The following BCO1 variants were observed in gnomAD, a reference collection of about 807,000 sequenced individuals.
BCO1 encodes the protein beta-carotene oxygenase 1, also known as beta,beta-carotene 15,15'-dioxygenase.
A neutral mutation model predicts 56.3 loss-of-function variants in BCO1; 54 were observed. The observed-to-expected ratio is 0.96, with a 90% CI of 0.77 to 1.20. The LOEUF is 1.20. Ranked by LOEUF, BCO1 falls within the 50% of genes most tolerant of loss-of-function variation. The pLI is 0.00. For missense variants in BCO1, 801 were observed against 690.9 expected (o/e 1.16, Z -1.79); for synonymous variants, 318 against 266.1 (o/e 1.20, Z -1.90).
rs1299560878 is a variant in BCO1 at position 81,262,181 on chromosome 16, C to T, written c.369C>T (p.Asn123=). Residue 123 remains asparagine, a synonymous_variant, in exon 4 of 11, where the codon AAC becomes AAT. Coordinates refer to ENST00000258168, the MANE Select transcript of BCO1 (RefSeq NM_017429.3). The part of the protein sequence containing the change: ...LSHTIPDFTD[N]CLINIMKCGE... ...ACACCATCCCCGATTTCACCGACAACTGCCTGATCAACATCATGAAGTGCG... is the reference window on the plus strand; with the variant it reads ...ACACCATCCCCGATTTCACCGACAATTGCCTGATCAACATCATGAAGTGCG... 6.2e-7 allele frequency: 1 copy of T among 1,614,028 alleles called. No individual in the cohort carries two copies. Among genetic ancestry groups the T allele is most frequent in the African/African-American group, 1.3e-5 (1 of 75,042 alleles).
chr16:81,269,292 T>A (rs917385024), intron 6 of BCO1, among the ~76,000 whole-genome samples: 1 of 149,822 alleles, frequency 6.7e-6, no homozygotes, highest in African/African-American at 2.5e-5. Flanking sequence ...ACGTGCACTT[T>A]TAGTTTTTCT....
chr16:81,272,222 T>A (rs1157141180), intron 7 of BCO1, among the ~76,000 whole-genome samples: 3 of 150,382 alleles, frequency 2.0e-5, no homozygotes, highest in African/African-American at 7.4e-5. Flanking sequence ...CAAGCCATTC[T>A]CCTTCCTCAG....
chr16:81,275,885 G>A (rs937885954), intron 7 of BCO1, among the ~76,000 whole-genome samples: 2 of 152,184 alleles, frequency 1.3e-5, no homozygotes, highest in African/African-American at 4.8e-5. Flanking sequence ...AGGGCGGTGT[G>A]GGGGTGCCTG....
intron 1 of BCO1, among the ~76,000 whole-genome samples, 169 bp from the exon 2 acceptor site, chr16:81,245,306 C>A (rs893240823): frequency 1.3e-5 from 2 of 152,176 alleles, no homozygotes. Flanking sequence ...TCAGTGCTAG[C>A]CAACTGCCCA....
intron 2 of BCO1, among the ~76,000 whole-genome samples, chr16:81,254,560 C>T (rs1331571233): frequency 6.6e-6 from 1 of 151,658 alleles, no homozygotes; most frequent in African/African-American, 2.4e-5. Flanking sequence ...ACCACGCCTC[C>T]CCTCAATTTT....
intron 7 of BCO1, 56 bp from the exon 8 acceptor site, chr16:81,280,801 T>C (rs1907834859): frequency 2.3e-6 from 3 of 1,280,582 alleles, no homozygotes; most frequent in Non-Finnish European, 3.4e-6. Context: ...CTAAAGCAAA[T>C]GTTTGCTCTG....
Position 81,285,616 on chromosome 16 carries a change from G to C in BCO1, c.1284G>C (p.Trp428Cys). ...YRYVFATGVQ[W>C]SPIPTKIIKY... The stretch of plus-strand genomic sequence containing the variant: ...ATGTCTTTGCTACAGGAGTTCAGTG[G>C]AGTCCAATCCCAACCAAGGTACTGG... The change falls in exon 9 of 11, where the codon TGG (tryptophan) becomes TGC (cysteine). Residue 428 changes from tryptophan to cysteine, a missense_variant. By Grantham distance (215) the Trp-to-Cys change is radical. Transcript: ENST00000258168. 6.2e-7 allele frequency: 1 copy of C among 1,610,248 alleles called. No individual in the cohort carries two copies. Among genetic ancestry groups the C allele is most frequent in the Non-Finnish European group, 8.5e-7 (1 of 1,176,440 alleles).
At chr16:81,283,615 C>G (rs932206185) in intron 8 of BCO1, among the ~76,000 whole-genome samples, 1 of 151,914 alleles carries the variant, frequency 6.6e-6, no homozygotes, top group African/African-American at 2.4e-5. Flanking sequence ...GTTCCCTCTG[C>G]CTCACCTTCA....
chr16:81,242,260 C>T (rs965890510), intron 1 of BCO1, among the ~76,000 whole-genome samples: 8 of 140,666 alleles, frequency 5.7e-5, no homozygotes, highest in African/African-American at 1.6e-4. Context: ...AGTGCAATGG[C>T]GCAATCTTCG....
intron 2 of BCO1, among the ~76,000 whole-genome samples, chr16:81,253,444 C>G (rs555619833): frequency 6.6e-6 from 1 of 152,296 alleles, no homozygotes; most frequent in African/African-American, 2.4e-5. Flanking sequence ...ATGGTTGGTA[C>G]ATGATGAAGC....
intron 9 of BCO1, 80 bp downstream of exon 9, chr16:81,285,714 C>T (rs950665206): frequency 5.7e-5 from 63 of 1,107,922 alleles, no homozygotes; most frequent in Non-Finnish European, 8.0e-5. Flanking sequence ...GGTTCTGAGA[C>T]GTTGATTAGA....
chr16:81,271,731 T>TTTG (rs1174964023), intron 7 of BCO1, among the ~76,000 whole-genome samples: 3 of 152,122 alleles, frequency 2.0e-5, no homozygotes, highest in Admixed American at 6.6e-5. Context: ...TTCATTTCTT[T>TTTG]TTGTTGTTGT....
intron 2 of BCO1, among the ~76,000 whole-genome samples, chr16:81,247,007 G>C (rs554564435): frequency 7.2e-5 from 11 of 152,230 alleles, no homozygotes; most frequent in Non-Finnish European, 1.6e-4. Flanking sequence ...CACAAATAAG[G>C]CGAATTCTGA....
At position 81,259,749 on chromosome 16, in the gene BCO1, G is replaced by A. The variant is rs1243348736; in HGVS notation, c.267G>A (p.Val89=). ...CCAATATTGAGGCAAACAGGATTGT[G>A]GTGTCTGAGTTTGGAACAATGGCCT... ...YNTNIEANRI[V]VSEFGTMAYP... is the part of the protein sequence containing the mutation. Residue 89 remains valine, a synonymous_variant, in exon 3 of 11, where the codon GTG becomes GTA. Transcript: ENST00000258168. 1 of 1,614,188 alleles carries A rather than the reference G, an allele frequency of 6.2e-7. No homozygotes were observed.
chr16:81,277,237 G>T (rs1197680337), intron 7 of BCO1, among the ~76,000 whole-genome samples: 1 of 152,140 alleles, frequency 6.6e-6, no homozygotes, highest in Admixed American at 6.6e-5. Flanking sequence ...TAGACAGAAG[G>T]TTGGTGGGCC....
chr16:81,268,584 G>C (rs1189144006), intron 6 of BCO1, among the ~76,000 whole-genome samples: 1 of 152,204 alleles, frequency 6.6e-6, no homozygotes, highest in Non-Finnish European at 1.5e-5. Flanking sequence ...CAGTTCAATA[G>C]AAACCTCTCC....
intron 8 of BCO1, among the ~76,000 whole-genome samples, chr16:81,283,944 G>C (rs1908020596): frequency 6.6e-6 from 1 of 151,928 alleles, no homozygotes; most frequent in Non-Finnish European, 1.5e-5. Flanking sequence ...CCAGCACTTT[G>C]GGAAGCTGAG....
chr16:81,266,691 G>T (rs1046422611), intron 5 of BCO1, among the ~76,000 whole-genome samples: 4 of 152,138 alleles, frequency 2.6e-5, no homozygotes, highest in Admixed American at 6.5e-5. Context: ...GGACTGTGAG[G>T]CTCAGGGGAT....
Position 81,242,259 on chromosome 16 carries a change from G to A in BCO1, c.65-3216G>A, listed in dbSNP as rs1034392446. On this transcript the variant is annotated intron_variant, in intron 1 of 10. Coordinates refer to ENST00000258168, the MANE Select transcript of BCO1 (RefSeq NM_017429.3). Reference sequence around the variant, plus strand: ...CTGTCGCCCAGGCAAGAGTGCAATGGCGCAATCTTCGGCTCACTGCAATCT... The same window carrying A: ...CTGTCGCCCAGGCAAGAGTGCAATGACGCAATCTTCGGCTCACTGCAATCT... Among the ~76,000 whole-genome samples, 19 of 147,550 alleles carry A rather than the reference G, an allele frequency of 1.3e-4. 1 individual carries two copies. The highest frequency in any genetic ancestry group is 4.0e-4 in the African/African-American group (16 of 39,632).
Sources: allele counts gnomAD v4.1 joint callset (sites outside exome capture counted in the v4.1 genomes callset), GRCh38; gene constraint gnomAD v4.1.1; transcripts MANE v1.5; gene names NCBI Gene and HGNC (gene_info 2026-07-23, HGNC 2026-07-21).